Variants in OPHN1 observed in about 807,000 individuals in gnomAD.
The protein encoded by OPHN1 is oligophrenin-1.
Under a neutral mutation model 60.7 loss-of-function variants are expected in OPHN1, and 11 were observed. The ratio of observed to expected loss-of-function variants is 0.18; its 90% CI spans 0.11 to 0.30. The LOEUF (loss-of-function observed/expected upper bound fraction) is 0.30, where lower values mean the gene tolerates loss of function less well. Among genes scored for constraint, OPHN1 ranks in the 10% least tolerant of loss-of-function variants. OPHN1 has a pLI of 1.00. For synonymous variants in OPHN1, 226 were observed against 222.6 expected, an observed-to-expected ratio of 1.02 and a Z score of -0.14; for missense variants, 449 against 611.0, an observed-to-expected ratio of 0.73 and a Z score of 2.80.
At chrX:68,184,445 C>A (rs1411431659) in intron 15 of OPHN1, among the ~76,000 whole-genome samples, 3 of 106,739 alleles carry the variant, frequency 2.8e-5, no homozygotes, top group African/African-American at 1.0e-4. Context: ...TCGCTTAAAC[C>A]CAGGAGGCGG....
intron 4 of OPHN1, among the ~76,000 whole-genome samples, chrX:68,275,825 A>G (rs1233638424): frequency 1.8e-5 from 2 of 111,452 alleles, no homozygotes; most frequent in African/African-American, 6.5e-5. Context: ...GCATTAGTGC[A>G]TAGGTTATAC....
intron 15 of OPHN1, among the ~76,000 whole-genome samples, chrX:68,161,394 GC>G (rs1284751758): frequency 9.0e-6 from 1 of 110,603 alleles, no homozygotes; most frequent in African/African-American, 3.3e-5. Context: ...TACGACATGA[GC>G]AGGTCATTCA....
chrX:68,346,181 C>T (rs1410738919), intron 2 of OPHN1, among the ~76,000 whole-genome samples: 2 of 111,861 alleles, frequency 1.8e-5, no homozygotes, highest in Admixed American at 1.9e-4. Context: ...CAGAGACTAA[C>T]TATCAACACA....
At chrX:68,172,970 C>T (rs1379758008) in intron 15 of OPHN1, among the ~76,000 whole-genome samples, 1 of 111,100 alleles carries the variant, frequency 9.0e-6, no homozygotes, top group Non-Finnish European at 1.9e-5. Context: ...CTGATGACCA[C>T]CTCCCTATGG....
intron 18 of OPHN1, among the ~76,000 whole-genome samples, chrX:68,104,921 G>C (rs1276147270): frequency 9.0e-6 from 1 of 111,306 alleles, no homozygotes; most frequent in Non-Finnish European, 1.9e-5. Context: ...TATGATAAAG[G>C]GCTAATATCC....
intron 15 of OPHN1, among the ~76,000 whole-genome samples, chrX:68,189,462 C>T (rs980554608): frequency 9.1e-6 from 1 of 110,119 alleles, no homozygotes; most frequent in African/African-American, 3.3e-5. Context: ...CCCATTAACT[C>T]ATCATTTACA....
intron 6 of OPHN1, among the ~76,000 whole-genome samples, chrX:68,228,011 G>A (rs1274795777): frequency 9.0e-6 from 1 of 111,360 alleles, no homozygotes; most frequent in South Asian, 3.8e-4. Flanking sequence ...TAGACTGCTA[G>A]CAAGACTAAT....
At chrX:68,259,639 T>G (rs1234371153) in intron 5 of OPHN1, among the ~76,000 whole-genome samples, 1 of 111,493 alleles carries the variant, frequency 9.0e-6, no homozygotes, top group Admixed American at 9.6e-5. Context: ...CAACTCTATG[T>G]GGTAAGTACT....
rs369440570 is a variant in OPHN1, at chrX:68,201,606, C to T, written c.1025+13G>A. On this transcript the variant is annotated intron_variant, in intron 11 of 24. Coordinates refer to ENST00000355520, the MANE Select transcript of OPHN1 (RefSeq NM_002547.3). ...ACGTGGGGACATTGCCAATTCACAG[C>T]GGCACAGCTTACCTTTCATTAGTTT... The T allele has an allele frequency of 2.3e-5, 28 of 1,194,007 alleles. No individual in the cohort carries two copies. The highest frequency in any genetic ancestry group is 3.5e-5 in the African/African-American group (2 of 56,968).
At chrX:68,198,252 G>GA (rs201410360) in intron 11 of OPHN1, among the ~76,000 whole-genome samples, 1,748 of 110,838 alleles carry the variant, frequency 0.016, 38 homozygotes, top group African/African-American at 0.055. Context: ...ACAAAAACTT[G>GA]AAAGAGTAGG....
At chrX:68,253,839 T>C (rs1016498056) in intron 5 of OPHN1, among the ~76,000 whole-genome samples, 1 of 111,599 alleles carries the variant, frequency 9.0e-6, no homozygotes, top group East Asian at 2.8e-4. Flanking sequence ...GTCTTGCCCG[T>C]AGATCAGAAT....
intron 6 of OPHN1, among the ~76,000 whole-genome samples, chrX:68,230,716 A>G (rs751912548): frequency 2.0e-4 from 19 of 95,111 alleles, no homozygotes; most frequent in African/African-American, 7.1e-4. Flanking sequence ...TTGAACAATG[A>G]GAATACTTGG....
At chrX:68,366,688 G>A (rs186417439) in intron 2 of OPHN1, among the ~76,000 whole-genome samples, 63 of 111,191 alleles carry the variant, frequency 5.7e-4, no homozygotes, top group African/African-American at 2.0e-3. Flanking sequence ...TTGAAATTAC[G>A]ATACATTTTA....
At chrX:68,125,401 G>T (rs1041068250) in intron 15 of OPHN1, among the ~76,000 whole-genome samples, 11 of 111,385 alleles carry the variant, frequency 9.9e-5, no homozygotes, top group African/African-American at 3.6e-4. Context: ...CAAAAAGTTG[G>T]TTTTCTGAAA....
chrX:68,051,445 G>A (rs779657160), intron 23 of OPHN1, among the ~76,000 whole-genome samples: 2 of 111,409 alleles, frequency 1.8e-5, no homozygotes, highest in South Asian at 7.6e-4. Context: ...ATATTCCCAG[G>A]CCCCACTACT....
chrX:68,404,020 G>A (rs138567951), intron 2 of OPHN1, among the ~76,000 whole-genome samples: 52 of 110,011 alleles, frequency 4.7e-4, no homozygotes, highest in African/African-American at 1.4e-3. Context: ...TTACCGCTGC[G>A]TAACTTTGTA....
At chrX:68,276,478 G>A (rs1215318706) in intron 4 of OPHN1, among the ~76,000 whole-genome samples, 1 of 110,715 alleles carries the variant, frequency 9.0e-6, no homozygotes, top group East Asian at 2.8e-4. Flanking sequence ...AACAATTATG[G>A]TATCAAAAAA....
In OPHN1 at chrX:68,282,108, T is replaced by G. The variant is rs1371207879; in HGVS notation, c.312+948A>C. On this transcript the variant is annotated intron_variant, in intron 4 of 24. Transcript: ENST00000355520. ...TAACCAAATCAGTTGGAAATTTGTA[T>G]CAACACAAAAACCTACATACAACTG... Among the ~76,000 whole-genome samples, 4 of 112,367 alleles carry G rather than the reference T, an allele frequency of 3.6e-5. No homozygotes were observed. The Admixed American group carries it at 3.8e-4, about 11-fold the overall frequency.
intron 10 of OPHN1, among the ~76,000 whole-genome samples, chrX:68,203,068 G>C (rs2077542328): frequency 9.1e-6 from 1 of 109,333 alleles, no homozygotes; most frequent in African/African-American, 3.3e-5. Context: ...AGACCAGCCT[G>C]GTCAACATGG....
Sources: allele counts gnomAD v4.1 joint callset (sites outside exome capture counted in the v4.1 genomes callset), GRCh38; gene constraint gnomAD v4.1.1; transcripts MANE v1.5; gene names NCBI Gene and HGNC (gene_info 2026-07-23, HGNC 2026-07-21).